The following ASIC2 variants were observed in gnomAD, a reference collection of about 807,000 sequenced individuals.
The protein encoded by ASIC2 is acid sensing ion channel subunit 2.
Under a neutral mutation model 57.3 loss-of-function variants are expected in ASIC2, and 25 were observed. The observed-to-expected ratio is 0.44, with a 90% CI of 0.32 to 0.61. The LOEUF (loss-of-function observed/expected upper bound fraction) is 0.61. Ranked by LOEUF, ASIC2 falls within the 20% of genes least tolerant of loss-of-function variation. The probability of loss-of-function intolerance (pLI) is 0.06; values close to 1 mark genes in which losing one functional copy is unlikely to be tolerated. For synonymous variants in ASIC2, 319 were observed against 307.5 expected (o/e 1.04, Z -0.39); for missense variants, 641 against 738.1 (o/e 0.87, Z 1.52).
At chr17:34,059,190 C>T (rs2214449) in intron 1 of ASIC2, among the ~76,000 whole-genome samples, 49,007 of 152,006 alleles carry the variant, frequency 0.32, 8,605 homozygotes, top group African/African-American at 0.46. Flanking sequence ...GCTCTAACTG[C>T]GGAAATGAAA....
intron 1 of ASIC2, among the ~76,000 whole-genome samples, chr17:33,667,284 T>G (rs1050118315): frequency 5.3e-5 from 8 of 152,142 alleles, no homozygotes; most frequent in African/African-American, 1.9e-4. Flanking sequence ...GGTTAGGTGC[T>G]TCCAGCAGTA....
In ASIC2 at chr17:34,129,739, A is replaced by G. The variant is rs28539406; in HGVS notation, c.555+26239T>C. Among the ~76,000 whole-genome samples, 461 of 152,352 alleles carry G rather than the reference A, an allele frequency of 3.0e-3. 3 individuals carry two copies. The highest frequency in any genetic ancestry group is 0.011 in the African/African-American group (444 of 41,582). The stretch of plus-strand genomic sequence containing the variant: ...GCTTCTTTGTCTACAGAAGCCTTTT[A>G]TAATGGAATACCTAAAACAGGGCAT... On this transcript the variant is annotated intron_variant, in intron 1 of 9. Coordinates refer to the ASIC2 transcript ENST00000359872.
chr17:33,961,287 T>G (rs765097195), intron 1 of ASIC2, among the ~76,000 whole-genome samples: 45 of 152,322 alleles, frequency 3.0e-4, no homozygotes, highest in Non-Finnish European at 1.8e-4. Flanking sequence ...CAGGACACAG[T>G]TATGCTGCTT....
intron 1 of ASIC2, among the ~76,000 whole-genome samples, chr17:33,391,204 C>T (rs913541683): frequency 2.0e-5 from 3 of 152,142 alleles, no homozygotes; most frequent in Admixed American, 6.5e-5. Context: ...GGTGTATGGC[C>T]TTCCAGAAGG....
intron 1 of ASIC2, among the ~76,000 whole-genome samples, chr17:33,300,625 A>G (rs1055548941): frequency 6.6e-6 from 1 of 152,170 alleles, no homozygotes; most frequent in African/African-American, 2.4e-5. Flanking sequence ...TTCTTGTCAT[A>G]TTTTTCTCAG....
chr17:33,526,626 G>A (rs1914891803), intron 1 of ASIC2, among the ~76,000 whole-genome samples: 1 of 148,426 alleles, frequency 6.7e-6, no homozygotes, highest in Admixed American at 6.6e-5. Context: ...CATCATCAGG[G>A]CCAGGTTGCC....
rs1913152921 is a variant in ASIC2 at position 33,474,418 on chromosome 17, G to A, written c.556-362351C>T. ...GAAACAGATGGCATACTAAGAGTAAGGTAATTTAAGCAAGGCCTCTTTACA... is the reference window on the plus strand; with the variant it reads ...GAAACAGATGGCATACTAAGAGTAAAGTAATTTAAGCAAGGCCTCTTTACA... On this transcript the variant is annotated intron_variant, in intron 1 of 9. Transcript: ENST00000359872. Among the ~76,000 whole-genome samples, 5 of 152,170 alleles carry A rather than the reference G, an allele frequency of 3.3e-5. No homozygotes were observed. In the South Asian group the frequency reaches 8.3e-4, roughly 25 times the overall value.
intron 2 of ASIC2, among the ~76,000 whole-genome samples, chr17:33,094,230 G>A (rs969419473): frequency 1.3e-5 from 2 of 152,152 alleles, no homozygotes; most frequent in Non-Finnish European, 2.9e-5. Context: ...GGAGAGAGGA[G>A]AGTCAAGCTG....
At chr17:33,366,292 A>T (rs1908806034) in intron 1 of ASIC2, among the ~76,000 whole-genome samples, 1 of 152,198 alleles carries the variant, frequency 6.6e-6, no homozygotes, top group Non-Finnish European at 1.5e-5. Flanking sequence ...AGAAAGACCA[A>T]ACTCTTGGGG....
intron 1 of ASIC2, among the ~76,000 whole-genome samples, chr17:33,184,431 C>A (rs1394191894): frequency 1.3e-5 from 2 of 152,158 alleles, no homozygotes; most frequent in African/African-American, 4.8e-5. Flanking sequence ...AGGGAAGGAC[C>A]CAGCCCCCAG....
chr17:33,244,359 C>G (rs1256371725), intron 1 of ASIC2, among the ~76,000 whole-genome samples: 1 of 117,772 alleles, frequency 8.5e-6, no homozygotes, highest in Non-Finnish European at 1.9e-5. Flanking sequence ...AATGAGGCCT[C>G]TAGGAAGTGC....
chr17:33,662,555 G>A (rs1010382489), intron 1 of ASIC2, among the ~76,000 whole-genome samples: 6 of 151,382 alleles, frequency 4.0e-5, no homozygotes, highest in African/African-American at 1.2e-4. Context: ...CCTGGGAGGC[G>A]GAGGTTGCAG....
At chr17:33,237,797 T>C (rs550188647) in intron 1 of ASIC2, among the ~76,000 whole-genome samples, 6 of 152,332 alleles carry the variant, frequency 3.9e-5, no homozygotes, top group Non-Finnish European at 7.3e-5. Flanking sequence ...CATCCTTTGG[T>C]GTTGCTATTG....
chr17:33,555,282 G>A (rs756666301), intron 1 of ASIC2, among the ~76,000 whole-genome samples: 1 of 152,178 alleles, frequency 6.6e-6, no homozygotes, highest in Non-Finnish European at 1.5e-5. Flanking sequence ...GAAGGTACTT[G>A]TTTTCCAGTG....
rs568114308 is a variant in ASIC2 at position 34,072,741 on chromosome 17, T to C, written c.555+83237A>G. 2.0e-5 allele frequency among the ~76,000 whole-genome samples: 3 copies of C among 152,362 alleles called. No homozygotes were observed. In the East Asian group the frequency reaches 5.8e-4, roughly 29 times the overall value. On this transcript the variant is annotated intron_variant, in intron 1 of 9. Coordinates refer to the ASIC2 transcript ENST00000359872. ...AATCTTCGCTTCATGTGATGGACGA[T>C]TTCTCTCAGGCATTTTTATATTCCT... is the stretch of plus-strand genomic sequence containing the variant.
chr17:34,074,106 T>C (rs1446262088), intron 1 of ASIC2, among the ~76,000 whole-genome samples: 1 of 152,112 alleles, frequency 6.6e-6, no homozygotes, highest in Admixed American at 6.5e-5. Context: ...GGGAACTTGT[T>C]AGAAATGCCA....
chr17:34,116,622 A>G (rs975731825), intron 1 of ASIC2, among the ~76,000 whole-genome samples: 11 of 152,122 alleles, frequency 7.2e-5, no homozygotes, highest in Non-Finnish European at 1.5e-4. Context: ...AAGCCTCTGA[A>G]AAAGCTTCTG....
chr17:33,247,621 C>G (rs775184724), intron 1 of ASIC2, among the ~76,000 whole-genome samples: 2 of 152,154 alleles, frequency 1.3e-5, no homozygotes, highest in Non-Finnish European at 2.9e-5. Flanking sequence ...AGAGTCTACC[C>G]GTGTCTACTC....
At chr17:34,036,680 GTTTTTTTTTTTTTTT>G in intron 1 of ASIC2, 1 of 100,558 alleles carries the variant, frequency 9.9e-6, no homozygotes, top group Non-Finnish European at 2.0e-5. Flanking sequence ...CTTTGAATTT[GTTTTTTTTTTTTTTT>G]TTTTTTTTTG....
Sources: gnomAD v4.1 joint callset for allele counts (sites outside exome capture counted in the v4.1 genomes callset) on GRCh38, gnomAD v4.1.1 for gene constraint, MANE v1.5 for transcripts, NCBI Gene and HGNC (gene_info 2026-07-23, HGNC 2026-07-21) for gene names.